Variants in CELA2B observed in about 807,000 individuals in gnomAD.
CELA2B encodes chymotrypsin-like elastase family member 2B.
A neutral mutation model predicts 36.5 loss-of-function variants in CELA2B; 27 were observed. That is an observed-to-expected ratio of 0.74 (90% confidence interval 0.55 to 1.02). The LOEUF (loss-of-function observed/expected upper bound fraction) is 1.02. Ranked by LOEUF, CELA2B falls within the 50% of genes least tolerant of loss-of-function variation. The probability of loss-of-function intolerance (pLI) is 0.00; values close to 1 mark genes in which losing one functional copy is unlikely to be tolerated. For missense variants in CELA2B, 340 were observed against 347.8 expected, an observed-to-expected ratio of 0.98 and a Z score of 0.18; for synonymous variants, 143 against 148.5, an observed-to-expected ratio of 0.96 and a Z score of 0.27.
At chr1:15,490,469 T>A (rs1708868626) in intron 7 of CELA2B, among the ~76,000 whole-genome samples, 2 of 152,262 alleles carry the variant, frequency 1.3e-5, no homozygotes, top group Non-Finnish European at 2.9e-5. Context: ...TCTTACATTG[T>A]GCAATGAACA....
At position 15,487,272 on chromosome 1, in the gene CELA2B, T is replaced by C. The variant is rs1356476053; in HGVS notation, c.640-13T>C. 2.5e-6 allele frequency: 4 copies of C among 1,613,440 alleles called. No individual in the cohort carries two copies. The highest frequency in any genetic ancestry group is 3.4e-6 in the Non-Finnish European group (4 of 1,179,410). On this transcript the variant is annotated splice_polypyrimidine_tract_variant and intron_variant, in intron 6 of 7. Coordinates refer to ENST00000375910, the MANE Select transcript of CELA2B (RefSeq NM_015849.3). ...CTCCCACTTCAACTCCCTATAACTC[T>C]GGCCTTCCTCAGGGAGACTCCGGTG...
chr1:15,490,633 C>T (rs1253106812), intron 7 of CELA2B, among the ~76,000 whole-genome samples: 2 of 152,018 alleles, frequency 1.3e-5, no homozygotes, highest in Non-Finnish European at 2.9e-5. Context: ...TTTGGGAAGC[C>T]GAGACGGGTA....
chr1:15,490,619 G>A (rs911662944), intron 7 of CELA2B, among the ~76,000 whole-genome samples: 2 of 152,138 alleles, frequency 1.3e-5, no homozygotes, highest in Admixed American at 1.3e-4. Context: ...TGTAATCCGA[G>A]CACTTTGGGA....
chr1:15,481,836 C>A, intron 3 of CELA2B: 2 of 452,370 alleles, frequency 4.4e-6, no homozygotes, highest in Non-Finnish European at 9.1e-6. Flanking sequence ...CTAATAGAGG[C>A]CTACAGTCAG....
chr1:15,485,276 T>C (rs1400636439), intron 5 of CELA2B, among the ~76,000 whole-genome samples: 2 of 152,132 alleles, frequency 1.3e-5, no homozygotes, highest in Non-Finnish European at 2.9e-5. Flanking sequence ...GTGGTAACAG[T>C]AATGGAGGTG....
rs200820219 is a variant in CELA2B at position 15,483,306 on chromosome 1, C to T, written c.399C>T (p.Leu133=). 6.2e-6 allele frequency: 10 copies of T among 1,614,028 alleles called. No homozygotes were observed. In the African/African-American group the frequency reaches 1.2e-4, roughly 19 times the overall value. ...ALLKLANPVS[L]TDKIQLACLP... ...TCAAACTGGCTAACCCCGTCTCCCT[C>T]ACCGACAAGATCCAGCTGGCCTGCC... The change falls in exon 5 of 8, where the codon CTC becomes CTT. Residue 133 remains leucine (L), a synonymous_variant. Transcript: ENST00000375910.
At chr1:15,490,065 G>A (rs1385784917) in intron 7 of CELA2B, among the ~76,000 whole-genome samples, 1 of 151,984 alleles carries the variant, frequency 6.6e-6, no homozygotes, top group Non-Finnish European at 1.5e-5. Flanking sequence ...GTAGAGATGG[G>A]GTTTCACCAT....
intron 7 of CELA2B, among the ~76,000 whole-genome samples, chr1:15,488,552 G>A (rs1426346091): frequency 1.3e-5 from 2 of 152,170 alleles, no homozygotes; most frequent in Non-Finnish European, 2.9e-5. Context: ...GGGGAGAAGA[G>A]GCGGATACTT....
chr1:15,482,254 C>G lies in CELA2B; in HGVS notation c.228-11C>G. 6.2e-7 allele frequency: 1 copy of G among 1,613,672 alleles called. No homozygotes were observed. Among genetic ancestry groups the G allele is most frequent in the Non-Finnish European group, 8.5e-7 (1 of 1,179,730 alleles). On this transcript the variant is annotated splice_polypyrimidine_tract_variant and intron_variant, in intron 3 of 7. Transcript: ENST00000375910. ...GGAGGTGACCCTCTCCCTGGGACCC[C>G]TTTCTCCCAGCTCCTCCGGGATCTA... is the stretch of plus-strand genomic sequence containing the variant.
At chr1:15,488,990 G>A (rs1373046657) in intron 7 of CELA2B, among the ~76,000 whole-genome samples, 1 of 152,146 alleles carries the variant, frequency 6.6e-6, no homozygotes, top group Non-Finnish European at 1.5e-5. Flanking sequence ...TCATTAATTG[G>A]GGCTTTTTAT....
intron 5 of CELA2B, 126 bp downstream of exon 5, chr1:15,483,526 A>G: frequency 3.4e-6 from 5 of 1,468,228 alleles, no homozygotes; most frequent in Non-Finnish European, 4.6e-6. Context: ...ACAGGATGGC[A>G]TAGGCTGATG....
chr1:15,483,625 A>G (rs960536167), intron 5 of CELA2B, among the ~76,000 whole-genome samples: 1 of 152,180 alleles, frequency 6.6e-6, no homozygotes, highest in African/African-American at 2.4e-5. Context: ...CACTTTTCTC[A>G]TATGTAAAAT....
At chr1:15,482,544 T>C in intron 4 of CELA2B, 151 bp downstream of exon 4, 1 of 1,167,780 alleles carries the variant, frequency 8.6e-7, no homozygotes, top group Non-Finnish European at 1.2e-6. Context: ...TGGAACCGGC[T>C]CCAAAGATGT....
In CELA2B at chr1:15,476,440, C is replaced by T; in HGVS notation, c.41-17C>T. Reference sequence around the variant, plus strand: ...GGTCGCTGCTTCCTGGACTCAAGACCCTTTCTCTTTTCACAGCCCTCAGTT... The same window carrying T: ...GGTCGCTGCTTCCTGGACTCAAGACTCTTTCTCTTTTCACAGCCCTCAGTT... On this transcript the variant is annotated splice_polypyrimidine_tract_variant and intron_variant, in intron 1 of 7. Coordinates refer to ENST00000375910, the MANE Select transcript of CELA2B (RefSeq NM_015849.3). The T allele has an allele frequency of 6.2e-7, 1 of 1,613,052 alleles. No individual in the cohort carries two copies. The highest frequency in any genetic ancestry group is 8.5e-7 in the Non-Finnish European group (1 of 1,179,092).
chr1:15,482,231 A>G lies in CELA2B; in HGVS notation c.228-34A>G, dbSNP rs747142175. On this transcript the variant is annotated intron_variant, in intron 3 of 7. Coordinates refer to ENST00000375910, the MANE Select transcript of CELA2B (RefSeq NM_015849.3). ...GCATTATTCAAAGCCAGGCCTCTGG[A>G]GGTGACCCTCTCCCTGGGACCCCTT... 26 of 1,611,472 alleles carry G rather than the reference A, an allele frequency of 1.6e-5. No homozygotes were observed. The East Asian group carries it at 2.0e-4, about 12-fold the overall frequency.
At chr1:15,482,241 C>A in intron 3 of CELA2B, 24 bp from the exon 4 acceptor site, 1 of 1,612,932 alleles carries the variant, frequency 6.2e-7, no homozygotes, top group Non-Finnish European at 8.5e-7. Flanking sequence ...AGGTGACCCT[C>A]TCCCTGGGAC....
At chr1:15,483,489 T>C in intron 5 of CELA2B, 89 bp downstream of exon 5, 1 of 1,585,920 alleles carries the variant, frequency 6.3e-7, no homozygotes, top group Non-Finnish European at 8.6e-7. Flanking sequence ...TCACATGTTA[T>C]CCTGGGCATG....
Position 15,476,162 on chromosome 1 carries a change from G to A in CELA2B, c.37G>A (p.Gly13Arg), listed in dbSNP as rs1244667310. The part of the protein sequence containing the change: ...RTLLLSTLVA[G>R]ALSCGVSTYA... Reference sequence around the variant, plus strand: ...CCTGCTGCTGTCCACTTTGGTGGCTGGAGGTAAGTCCTGTCACCCAGAGGC... The same window carrying A: ...CCTGCTGCTGTCCACTTTGGTGGCTAGAGGTAAGTCCTGTCACCCAGAGGC... Residue 13 changes from glycine to arginine, a missense_variant, in exon 1 of 8, where the codon GGA becomes AGA. By Grantham distance (125) the Gly-to-Arg change is moderately radical. Coordinates refer to ENST00000375910, the MANE Select transcript of CELA2B (RefSeq NM_015849.3). 3 of 1,614,148 alleles carry A rather than the reference G, an allele frequency of 1.9e-6. No individual in the cohort carries two copies. Among genetic ancestry groups the A allele is most frequent in the Non-Finnish European group, 1.7e-6 (2 of 1,180,032 alleles).
chr1:15,477,742 T>C (rs1708689729), intron 2 of CELA2B, among the ~76,000 whole-genome samples: 1 of 152,208 alleles, frequency 6.6e-6, no homozygotes, highest in South Asian at 2.1e-4. Flanking sequence ...GTATTCAGTC[T>C]CTTCCAAGCA....
Sources: gnomAD v4.1 joint callset for allele counts (sites outside exome capture counted in the v4.1 genomes callset) on GRCh38, gnomAD v4.1.1 for gene constraint, MANE v1.5 for transcripts, NCBI Gene and HGNC (gene_info 2026-07-23, HGNC 2026-07-21) for gene names.